The following AUTS2 variants were observed in gnomAD, a reference collection of about 807,000 sequenced individuals.
The protein encoded by AUTS2 is autism susceptibility gene 2 protein.
A neutral mutation model predicts 112.4 loss-of-function variants in AUTS2; 17 were observed. The observed-to-expected ratio is 0.15, with a 90% CI of 0.10 to 0.23. AUTS2 has a LOEUF of 0.23. Ranked by LOEUF, AUTS2 falls within the 10% of genes least tolerant of loss-of-function variation. The probability of loss-of-function intolerance (pLI) is 1.00; values close to 1 mark genes in which losing one functional copy is unlikely to be tolerated. For synonymous variants in AUTS2, 751 were observed against 702.7 expected (o/e 1.07, Z -1.09); for missense variants, 1,510 against 1,701.6 (o/e 0.89, Z 1.98).
intron 1 of AUTS2, among the ~76,000 whole-genome samples, chr7:69,641,051 A>C (rs1287088206): frequency 2.6e-5 from 4 of 152,220 alleles, no homozygotes; most frequent in Admixed American, 6.5e-5. Context: ...GTAGCATTTT[A>C]ACTTGTGTCA....
intron 6 of AUTS2, among the ~76,000 whole-genome samples, chr7:70,716,820 A>C (rs927980142): frequency 2.6e-5 from 4 of 151,944 alleles, no homozygotes; most frequent in African/African-American, 4.8e-5. Flanking sequence ...AGTGTGTGTT[A>C]GATGTATTCG....
intron 2 of AUTS2, among the ~76,000 whole-genome samples, chr7:69,958,900 T>C (rs1225718012): frequency 1.3e-5 from 2 of 152,192 alleles, no homozygotes; most frequent in African/African-American, 4.8e-5. Flanking sequence ...AGAGTATTCC[T>C]TGAGGAATGA....
At chr7:69,728,880 G>A (rs1786650532) in intron 1 of AUTS2, among the ~76,000 whole-genome samples, 1 of 152,042 alleles carries the variant, frequency 6.6e-6, no homozygotes, top group South Asian at 2.1e-4. Context: ...AATAGCCAGT[G>A]TCTACCTGCT....
At chr7:70,561,689 C>A (rs925372883) in intron 5 of AUTS2, among the ~76,000 whole-genome samples, 1 of 152,112 alleles carries the variant, frequency 6.6e-6, no homozygotes, top group Non-Finnish European at 1.5e-5. Flanking sequence ...TGGCTACAAG[C>A]ATGGTATCTC....
At chr7:69,673,011 C>T (rs1209032886) in intron 1 of AUTS2, among the ~76,000 whole-genome samples, 1 of 152,150 alleles carries the variant, frequency 6.6e-6, no homozygotes, top group African/African-American at 2.4e-5. Flanking sequence ...TTCAGAGTGA[C>T]TGTATTTAGA....
At chr7:70,484,865 A>C (rs966075991) in intron 5 of AUTS2, among the ~76,000 whole-genome samples, 2 of 152,242 alleles carry the variant, frequency 1.3e-5, no homozygotes, top group African/African-American at 4.8e-5. Flanking sequence ...CAAACAGCCA[A>C]TAAACATATG....
At chr7:70,603,105 G>A (rs905119156) in intron 5 of AUTS2, among the ~76,000 whole-genome samples, 43 of 152,120 alleles carry the variant, frequency 2.8e-4, no homozygotes, top group Admixed American at 2.2e-3. Context: ...TCTCTTTTTT[G>A]TTTGTTTTGT....
intron 5 of AUTS2, among the ~76,000 whole-genome samples, chr7:70,462,327 AAG>A (rs1337521266): frequency 3.3e-5 from 5 of 152,136 alleles, no homozygotes; most frequent in Admixed American, 1.3e-4. Flanking sequence ...TTTTGGAAAA[AAG>A]CAATTAAAAA....
At chr7:70,158,164 G>A (rs73160198) in intron 4 of AUTS2, among the ~76,000 whole-genome samples, 4,024 of 152,076 alleles carry the variant, frequency 0.026, 70 homozygotes, top group Middle Eastern at 0.055. Flanking sequence ...ATGAGGATAG[G>A]AAGGAGCCAG....
At chr7:70,546,636 G>A (rs941102059) in intron 5 of AUTS2, among the ~76,000 whole-genome samples, 6 of 151,176 alleles carry the variant, frequency 4.0e-5, no homozygotes, top group Middle Eastern at 3.5e-3. Flanking sequence ...AAAATTAGCC[G>A]GGCATGGTGG....
intron 1 of AUTS2, among the ~76,000 whole-genome samples, chr7:69,755,661 T>TTA (rs1182317124): frequency 1.3e-5 from 2 of 152,216 alleles, no homozygotes; most frequent in Admixed American, 6.5e-5. Context: ...CCCCTGTTCC[T>TTA]TATCTATCAG....
chr7:70,778,138 G>GACTC (rs1211438269), intron 14 of AUTS2, among the ~76,000 whole-genome samples: 1 of 152,140 alleles, frequency 6.6e-6, no homozygotes, highest in Non-Finnish European at 1.5e-5. Context: ...GAGCCTTTAT[G>GACTC]ACTCAGTAGG....
At chr7:69,753,070 A>C (rs1342970189) in intron 1 of AUTS2, among the ~76,000 whole-genome samples, 1 of 152,228 alleles carries the variant, frequency 6.6e-6, no homozygotes, top group Non-Finnish European at 1.5e-5. Flanking sequence ...GCCTAGGGCA[A>C]GTCACTGAGC....
intron 6 of AUTS2, among the ~76,000 whole-genome samples, chr7:70,713,930 A>G (rs565733896): frequency 6.7e-6 from 1 of 149,614 alleles, no homozygotes; most frequent in East Asian, 2.0e-4. Context: ...GCGGGGCCCC[A>G]CCTCCAGTGA....
intron 2 of AUTS2, among the ~76,000 whole-genome samples, chr7:70,033,283 A>G (rs1477983559): frequency 6.6e-6 from 1 of 152,220 alleles, no homozygotes; most frequent in Non-Finnish European, 1.5e-5. Context: ...GGTTTTAAGC[A>G]GTGAGCACTC....
chr7:70,166,881 G>A (rs1408092303), intron 4 of AUTS2, among the ~76,000 whole-genome samples: 1 of 152,090 alleles, frequency 6.6e-6, no homozygotes, highest in East Asian at 1.9e-4. Flanking sequence ...TTTAAATACA[G>A]AGCCATGACT....
At chr7:70,272,247 AAGAT>A (rs976876143) in intron 4 of AUTS2, among the ~76,000 whole-genome samples, 4 of 152,100 alleles carry the variant, frequency 2.6e-5, no homozygotes, top group African/African-American at 9.7e-5. Flanking sequence ...AAAAAAAAAA[AAGAT>A]AGGACACATT....
chr7:69,886,639 G>A (rs1265922136), intron 1 of AUTS2, among the ~76,000 whole-genome samples: 1 of 152,096 alleles, frequency 6.6e-6, no homozygotes, highest in Non-Finnish European at 1.5e-5. Context: ...TCCTAAATGG[G>A]CCACTCTGTG....
intron 5 of AUTS2, among the ~76,000 whole-genome samples, chr7:70,670,636 T>C (rs1256352758): frequency 1.3e-5 from 2 of 150,590 alleles, no homozygotes; most frequent in Non-Finnish European, 3.0e-5. Flanking sequence ...ACATAGTTTA[T>C]CCTGCACAGC....
Sources: allele counts gnomAD v4.1 joint callset (sites outside exome capture counted in the v4.1 genomes callset), GRCh38; gene constraint gnomAD v4.1.1; transcripts MANE v1.5; gene names NCBI Gene and HGNC (gene_info 2026-07-23, HGNC 2026-07-21).